The following BNIP2 variants were observed in gnomAD, a reference collection of about 807,000 sequenced individuals.
BNIP2 encodes the protein BCL2 interacting protein 2.
In BNIP2, 36 loss-of-function variants were observed where a neutral mutation model predicts 43.4. The ratio of observed to expected loss-of-function variants is 0.83; its 90% CI spans 0.64 to 1.10. The LOEUF is 1.10. BNIP2 is among the 50% of genes least tolerant of loss of function. BNIP2 has a pLI of 0.00. For missense variants in BNIP2, 417 were observed against 374.1 expected, an observed-to-expected ratio of 1.11 and a Z score of -0.95; for synonymous variants, 146 against 121.0, an observed-to-expected ratio of 1.21 and a Z score of -1.35.
intron 9 of BNIP2, among the ~76,000 whole-genome samples, chr15:59,667,699 T>C (rs1161689378): frequency 6.6e-6 from 1 of 152,240 alleles, no homozygotes; most frequent in African/African-American, 2.4e-5. Context: ...CCCAGGGAAA[T>C]AAATTGAGAA....
Position 59,680,289 on chromosome 15 carries a change from T to C in BNIP2, c.70A>G (p.Ser24Gly), listed in dbSNP as rs1404425051. Residue 24 changes from serine to glycine, a missense_variant, in exon 3 of 10, where the codon AGT becomes GGT. Coordinates refer to ENST00000607373, the MANE Select transcript of BNIP2 (RefSeq NM_004330.4). ...DFPIPLPEDDSIEADILAITG... is the reference protein window; with the variant it reads ...DFPIPLPEDDGIEADILAITG... ...ATAGCTAGTATATCTGCTTCAATAC[T>C]ATCATCTTCTGGTAAAGGTCTAGAA... is the stretch of plus-strand genomic sequence containing the variant. 6.2e-7 allele frequency: 1 copy of C among 1,602,518 alleles called. No individual in the cohort carries two copies. Among genetic ancestry groups the C allele is most frequent in the Admixed American group, 1.7e-5 (1 of 59,138 alleles).
chr15:59,675,526 C>T (rs965499019), intron 5 of BNIP2, among the ~76,000 whole-genome samples: 9 of 152,008 alleles, frequency 5.9e-5, no homozygotes, highest in African/African-American at 2.2e-4. Flanking sequence ...AGGAGAATCC[C>T]TTGAACCGAG....
At chr15:59,680,389 T>G (rs1455088695) in intron 2 of BNIP2, 81 bp from the exon 3 acceptor site, 2 of 1,040,486 alleles carry the variant, frequency 1.9e-6, no homozygotes, top group African/African-American at 3.3e-5. Context: ...AACATACAGC[T>G]TATAGAAATA....
intron 9 of BNIP2, chr15:59,668,243 CA>C: frequency 1.6e-6 from 1 of 611,466 alleles, no homozygotes; most frequent in Middle Eastern, 6.6e-4. Flanking sequence ...CCAGCAAAAC[CA>C]AAAATATTTA....
chr15:59,666,289 A>G (rs992503012), intron 9 of BNIP2, among the ~76,000 whole-genome samples: 1 of 152,138 alleles, frequency 6.6e-6, no homozygotes, highest in African/African-American at 2.4e-5. Flanking sequence ...AGGGACTCAT[A>G]GCTTCATACT....
intron 5 of BNIP2, among the ~76,000 whole-genome samples, chr15:59,677,516 T>C (rs1223387659): frequency 3.9e-5 from 6 of 152,216 alleles, no homozygotes; most frequent in African/African-American, 1.4e-4. Context: ...AGTGTTTTCC[T>C]TGTAAGGTTT....
chr15:59,671,153 A>C, intron 7 of BNIP2, 30 bp downstream of exon 7: 1 of 1,522,158 alleles, frequency 6.6e-7, no homozygotes, highest in Non-Finnish European at 8.8e-7. Flanking sequence ...AAATTTTTTC[A>C]GACTAGCTTT....
chr15:59,666,765 C>G (rs1218322759), intron 9 of BNIP2, among the ~76,000 whole-genome samples: 7 of 151,666 alleles, frequency 4.6e-5, no homozygotes, highest in African/African-American at 1.7e-4. Flanking sequence ...ACTAAAGAAA[C>G]TACAAAAAAC....
rs1368105644 is a variant in BNIP2 at position 59,678,104 on chromosome 15, T to C, written c.296-17A>G. 6.3e-7 allele frequency: 1 copy of C among 1,591,812 alleles called. No homozygotes were observed. Among genetic ancestry groups the C allele is most frequent in the South Asian group, 1.1e-5 (1 of 87,834 alleles). The stretch of plus-strand genomic sequence containing the variant: ...GAAGATCATCTGTCAAAATACAAAG[T>C]TTTTGAATCACAAATTGTTACACAA... On this transcript the variant is annotated splice_polypyrimidine_tract_variant and intron_variant, in intron 4 of 9. Coordinates refer to ENST00000607373, the MANE Select transcript of BNIP2 (RefSeq NM_004330.4).
At chr15:59,673,231 G>A (rs1192359669) in intron 5 of BNIP2, among the ~76,000 whole-genome samples, 1 of 150,938 alleles carries the variant, frequency 6.6e-6, no homozygotes, top group Non-Finnish European at 1.5e-5. Flanking sequence ...CGATTCTCCT[G>A]CCTCCCGAGT....
At chr15:59,678,455 G>A (rs187396763) in intron 4 of BNIP2, 8 of 1,074,814 alleles carry the variant, frequency 7.4e-6, no homozygotes, top group African/African-American at 1.7e-5. Context: ...ATGACTATAG[G>A]TTACTTCAAG....
chr15:59,663,913 C>CGACT lies in BNIP2; in HGVS notation c.*155_*156insAGTC, dbSNP rs1451267968. The CGACT allele has an allele frequency of 3.8e-6, 2 of 525,150 alleles. No individual in the cohort carries two copies. The highest frequency in any genetic ancestry group is 4.0e-5 in the Admixed American group (1 of 24,984). 32.5% of individuals were successfully genotyped at this position (525,150 alleles called of 1,614,324 possible). On this transcript the variant is annotated 3_prime_UTR_variant, in exon 10 of 10. Transcript: ENST00000607373. ...ATTTGCAAACCAGTACAGCAGTGAA[C>CGACT]AGTCCCTTGTATAATACAAAAGTCC...
rs1367725021 is a variant in BNIP2 at position 59,662,584 on chromosome 15, C to A, written c.*1485G>T. ...AATATAGGAAAGTTCCCTTTTGTAA[C>A]AGAAGGTTTGTAAGTACATGAGAAT... On this transcript the variant is annotated 3_prime_UTR_variant, in exon 10 of 10. Transcript: ENST00000607373. 1 of 152,184 alleles carries A rather than the reference C, an allele frequency of 6.6e-6. No individual in the cohort carries two copies. Among genetic ancestry groups the A allele is most frequent in the Admixed American group, 6.5e-5 (1 of 15,278 alleles). The allele number at this position is 152,184 out of a possible 1,614,324, so 9.4% of individuals were successfully genotyped here. A position where few individuals can be genotyped will look rare whatever the true frequency, so the allele number is the denominator to read the frequency against.
chr15:59,667,585 C>T (rs1271695767), intron 9 of BNIP2, among the ~76,000 whole-genome samples: 1 of 152,138 alleles, frequency 6.6e-6, no homozygotes, highest in Admixed American at 6.6e-5. Flanking sequence ...GGTATTTTAT[C>T]ACATGTAGAA....
At chr15:59,685,223 G>C (rs1291929354) in intron 1 of BNIP2, among the ~76,000 whole-genome samples, 1 of 152,214 alleles carries the variant, frequency 6.6e-6, no homozygotes, top group Non-Finnish European at 1.5e-5. Flanking sequence ...CTTGAGGCCG[G>C]ACGTGGTGGC....
intron 5 of BNIP2, chr15:59,677,272 G>A: frequency 1.3e-6 from 2 of 1,590,730 alleles, no homozygotes; most frequent in Non-Finnish European, 1.7e-6. Flanking sequence ...GTATACAGGA[G>A]CTGCCAGGGG....
At chr15:59,682,257 G>T (rs754623628) in intron 2 of BNIP2, 151 bp downstream of exon 2, 12 of 568,352 alleles carry the variant, frequency 2.1e-5, no homozygotes, top group Non-Finnish European at 3.0e-5. Flanking sequence ...AATCCAGGAG[G>T]CGGAGGTTGC....
At chr15:59,675,970 G>A (rs1020421944) in intron 5 of BNIP2, among the ~76,000 whole-genome samples, 11 of 152,238 alleles carry the variant, frequency 7.2e-5, no homozygotes, top group African/African-American at 2.6e-4. Context: ...TTGCACAGGG[G>A]TACTAAATAA....
chr15:59,686,486 AGTAATGACC>A (rs1894021669), intron 1 of BNIP2, among the ~76,000 whole-genome samples: 1 of 152,362 alleles, frequency 6.6e-6, no homozygotes, highest in East Asian at 1.9e-4. Flanking sequence ...AATAGGTGCC[AGTAATGACC>A]GTTTATGCGG....
Sources: gnomAD v4.1 joint callset for allele counts (sites outside exome capture counted in the v4.1 genomes callset) on GRCh38, gnomAD v4.1.1 for gene constraint, MANE v1.5 for transcripts, NCBI Gene and HGNC (gene_info 2026-07-23, HGNC 2026-07-21) for gene names.